RYR2: variants seen among roughly 807,000 people sequenced by gnomAD.
RYR2 encodes the protein ryanodine receptor 2, also known as cardiac muscle ryanodine receptor-calcium release channel.
Under a neutral mutation model 601.1 loss-of-function variants are expected in RYR2, and 227 were observed. That is an observed-to-expected ratio of 0.38 (90% CI 0.34 to 0.42). The LOEUF (loss-of-function observed/expected upper bound fraction) is 0.42. Ranked by LOEUF, RYR2 falls within the 10% of genes least tolerant of loss-of-function variation. RYR2 has a pLI of 1.00. For missense variants in RYR2, 4,646 were observed against 6,156.5 expected (o/e 0.75, Z 8.21); for synonymous variants, 2,223 against 2,175.1 (o/e 1.02, Z -0.61).
chr1:237,669,661 G>C (rs1684705648), intron 58 of RYR2, among the ~76,000 whole-genome samples: 1 of 151,144 alleles, frequency 6.6e-6, no homozygotes, highest in South Asian at 2.1e-4. Context: ...GGGCGGCAGG[G>C]CAGAGGCGGT....
chr1:237,417,340 A>T (rs558172011), intron 11 of RYR2, among the ~76,000 whole-genome samples: 1 of 152,142 alleles, frequency 6.6e-6, no homozygotes, highest in Middle Eastern at 3.4e-3. Context: ...CTGAGAAATA[A>T]GCAATAATTT....
At chr1:237,542,058 CTTTATTTATTTATTTATTTA>C (rs71180097) in intron 25 of RYR2, among the ~76,000 whole-genome samples, 70 of 148,414 alleles carry the variant, frequency 4.7e-4, no homozygotes, top group African/African-American at 1.2e-3. Flanking sequence ...ACATTTTTGT[CTTTATTTATTTATTTATTTA>C]TTTATTTATT....
At chr1:237,254,252 C>G (rs1687739298) in intron 1 of RYR2, among the ~76,000 whole-genome samples, 1 of 151,876 alleles carries the variant, frequency 6.6e-6, no homozygotes, top group Non-Finnish European at 1.5e-5. Flanking sequence ...TTGTGCAATA[C>G]AAGAAAAAAT....
intron 1 of RYR2, among the ~76,000 whole-genome samples, chr1:237,269,785 G>T (rs1689497427): frequency 6.6e-6 from 1 of 152,150 alleles, no homozygotes. Flanking sequence ...TTGTCCTAAA[G>T]TCCGTGATTC....
intron 10 of RYR2, among the ~76,000 whole-genome samples, chr1:237,389,881 T>C (rs1702238746): frequency 6.6e-6 from 1 of 152,126 alleles, no homozygotes; most frequent in Non-Finnish European, 1.5e-5. Flanking sequence ...ATGGGGTCTA[T>C]CATATGTTCA....
In RYR2 at chr1:237,176,967, A is replaced by G. The variant is rs182877931; in HGVS notation, c.49-93530A>G. On this transcript the variant is annotated intron_variant, in intron 1 of 104. Transcript: ENST00000366574. ...TGAGATGTTTATAGAGGAGGAAATT[A>G]TATCTTGATATTTACTGAGATTACC... is the stretch of plus-strand genomic sequence containing the variant. 1.8e-3 allele frequency among the ~76,000 whole-genome samples: 267 copies of G among 152,334 alleles called. 1 individual carries two copies. The highest frequency in any genetic ancestry group is 6.2e-3 in the African/African-American group (256 of 41,580).
intron 26 of RYR2, among the ~76,000 whole-genome samples, chr1:237,550,035 A>T (rs182349541): frequency 6.6e-6 from 1 of 152,252 alleles, no homozygotes; most frequent in African/African-American, 2.4e-5. Flanking sequence ...GCCGGGTTTC[A>T]CTGGTTGGTG....
At chr1:237,144,513 A>G (rs1372098840) in intron 1 of RYR2, among the ~76,000 whole-genome samples, 1 of 152,192 alleles carries the variant, frequency 6.6e-6, no homozygotes, top group Admixed American at 6.5e-5. Flanking sequence ...GGTCCTGGAG[A>G]AAGACATTTC....
chr1:237,491,655 T>C, intron 17 of RYR2, 151 bp from the exon 18 acceptor site: 1 of 545,578 alleles, frequency 1.8e-6, no homozygotes, highest in Non-Finnish European at 3.3e-6. Flanking sequence ...AAACACCACC[T>C]GTCACCTATC....
In RYR2 at chr1:237,625,803, C is replaced by A; in HGVS notation, c.6165C>A (p.Ser2055=). ...CAGTTGAGAGTGACTCCAAAAAGTC[C>A]TGTAAGCAGTATGAGAGTGCACTGG... ...EKPVESDSKK[S]STLQQLISET... The change falls in exon 40 of 105, where the codon TCC becomes TCA. Residue 2055 remains serine, a splice_region_variant and synonymous_variant. Transcript: ENST00000366574. The A allele has an allele frequency of 6.2e-7, 1 of 1,613,320 alleles. No homozygotes were observed. The highest frequency in any genetic ancestry group is 8.5e-7 in the Non-Finnish European group (1 of 1,179,606).
chr1:237,471,114 T>C (rs570448148), intron 17 of RYR2: 2 of 154,548 alleles, frequency 1.3e-5, no homozygotes, highest in South Asian at 2.0e-4. Flanking sequence ...AAACAGGCTT[T>C]CCACTTGGCA....
At chr1:237,487,274 C>T (rs1323948255) in intron 17 of RYR2, among the ~76,000 whole-genome samples, 1 of 152,052 alleles carries the variant, frequency 6.6e-6, no homozygotes, top group Non-Finnish European at 1.5e-5. Flanking sequence ...AAGCATATAT[C>T]AGCATAATTT....
At chr1:237,414,875 A>G (rs1197516179) in intron 10 of RYR2, among the ~76,000 whole-genome samples, 1 of 152,192 alleles carries the variant, frequency 6.6e-6, no homozygotes, top group Non-Finnish European at 1.5e-5. Context: ...CTGGGTCTTA[A>G]CAAACCCTCA....
chr1:237,279,358 A>T (rs1184895761), intron 2 of RYR2, among the ~76,000 whole-genome samples: 2 of 152,194 alleles, frequency 1.3e-5, no homozygotes. Context: ...TGTTCAGATG[A>T]TCTAAAACTC....
At chr1:237,401,731 C>A (rs12058770) in intron 10 of RYR2, among the ~76,000 whole-genome samples, 16,633 of 152,136 alleles carry the variant, frequency 0.11, 1,893 homozygotes, top group African/African-American at 0.3. Context: ...GGAATTCAAT[C>A]TCTAGCATCC....
chr1:237,087,016 C>T (rs1666413391), intron 1 of RYR2, among the ~76,000 whole-genome samples: 1 of 152,122 alleles, frequency 6.6e-6, no homozygotes, highest in Admixed American at 6.5e-5. Flanking sequence ...TCTTTTCAGG[C>T]TGCATAGAAT....
intron 10 of RYR2, among the ~76,000 whole-genome samples, chr1:237,396,093 G>T (rs1355421899): frequency 1.3e-5 from 2 of 152,196 alleles, no homozygotes; most frequent in Non-Finnish European, 2.9e-5. Flanking sequence ...GTTTGGTTAA[G>T]GATGGCTGTA....
At chr1:237,051,324 C>CT (rs1184424300) in intron 1 of RYR2, among the ~76,000 whole-genome samples, 28 of 134,868 alleles carry the variant, frequency 2.1e-4, no homozygotes, top group African/African-American at 6.1e-4. Context: ...CTCTCTCCCT[C>CT]CCCTCCCCTC....
At position 237,500,886 on chromosome 1, in the gene RYR2, T is replaced by C. The variant is rs1230175710; in HGVS notation, c.2379T>C (p.Ser793=). 1.9e-6 allele frequency: 3 copies of C among 1,613,908 alleles called. No individual in the cohort carries two copies. The highest frequency in any genetic ancestry group is 1.3e-5 in the African/African-American group (1 of 74,940). ...NIDGLFFPVV[S]FSAGIKVRFL... ...ATGGCCTCTTCTTTCCAGTCGTTAGTTTCTCTGCAGGAATAAAGTTAGTAT... is the reference window on the plus strand; with the variant it reads ...ATGGCCTCTTCTTTCCAGTCGTTAGCTTCTCTGCAGGAATAAAGTTAGTAT... Residue 793 remains serine (S), a synonymous_variant, in exon 21 of 105, where the codon AGT becomes AGC. Transcript: ENST00000366574.
Sources: allele counts gnomAD v4.1 joint callset (sites outside exome capture counted in the v4.1 genomes callset), GRCh38; gene constraint gnomAD v4.1.1; transcripts MANE v1.5; gene names NCBI Gene and HGNC (gene_info 2026-07-23, HGNC 2026-07-21).